The following MCTP2 variants were observed in gnomAD, a reference collection of about 807,000 sequenced individuals.
MCTP2 encodes multiple C2 and transmembrane domain containing 2.
A neutral mutation model predicts 111.6 loss-of-function variants in MCTP2; 132 were observed. The ratio of observed to expected loss-of-function variants is 1.18; its 90% CI spans 1.03 to 1.37. The LOEUF is 1.37. Among genes scored for constraint, MCTP2 ranks in the 40% most tolerant of loss-of-function variants. MCTP2 has a pLI of 0.00. For missense variants in MCTP2, 1,183 were observed against 1,067.9 expected (o/e 1.11, Z -1.50); for synonymous variants, 395 against 387.7 (o/e 1.02, Z -0.22).
intron 1 of MCTP2, among the ~76,000 whole-genome samples, chr15:94,281,963 C>G (rs1056935498): frequency 6.6e-6 from 1 of 152,070 alleles, no homozygotes; most frequent in East Asian, 1.9e-4. Context: ...CTCTAGCTGC[C>G]TTTAAGAATT....
In MCTP2 at chr15:94,298,423, C is replaced by T. The variant is rs1325004969; in HGVS notation, c.158C>T (p.Pro53Leu). Residue 53 changes from proline (P) to leucine (L), a missense_variant, in exon 2 of 23, where the codon CCT becomes CTT. Coordinates refer to ENST00000357742, the MANE Select transcript of MCTP2 (RefSeq NM_001385001.1). ...GACCGCCGTCTCAGCCTCTCTGTGC[C>T]TGATCTCCTGGAGGCTGAGGCCTTG... ...HLDRRLSLSV[P>L]DLLEAEALAP... The T allele has an allele frequency of 1.2e-6, 2 of 1,614,098 alleles. No individual in the cohort carries two copies. Among genetic ancestry groups the T allele is most frequent in the Admixed American group, 3.3e-5 (2 of 60,006 alleles).
chr15:94,300,475 A>C (rs1400485820), intron 2 of MCTP2, among the ~76,000 whole-genome samples: 2 of 146,456 alleles, frequency 1.4e-5, no homozygotes, highest in African/African-American at 5.1e-5. Context: ...GCGCCACTGC[A>C]CTCCAGCCTG....
chr15:94,357,488 T>C (rs1030487375), intron 9 of MCTP2, among the ~76,000 whole-genome samples: 4 of 152,114 alleles, frequency 2.6e-5, no homozygotes, highest in African/African-American at 7.2e-5. Context: ...GTTCAGTATC[T>C]GCTACATTCA....
chr15:94,360,913 T>C (rs1235713043), intron 10 of MCTP2, among the ~76,000 whole-genome samples: 1 of 151,650 alleles, frequency 6.6e-6, no homozygotes, highest in Non-Finnish European at 1.5e-5. Context: ...ATAACAAAAG[T>C]ATCTCTTGGG....
At chr15:94,263,421 A>G (rs115651230) in intron 1 of MCTP2, among the ~76,000 whole-genome samples, 6 of 152,176 alleles carry the variant, frequency 3.9e-5, no homozygotes, top group Non-Finnish European at 7.4e-5. Context: ...TTAATAGATA[A>G]TGGTATTGTG....
At position 94,361,425 on chromosome 15, in the gene MCTP2, C is replaced by G. The variant is rs182874318; in HGVS notation, c.1301+2813C>G. 1.8e-3 allele frequency among the ~76,000 whole-genome samples: 276 copies of G among 152,292 alleles called. 8 individuals carry two copies. Among genetic ancestry groups the G allele is most frequent in the Admixed American group, 0.017 (266 of 15,290 alleles). On this transcript the variant is annotated intron_variant, in intron 10 of 22. Transcript: ENST00000357742. ...CTGAGCTTGCTGATAATCACACTGT[C>G]TGCTAATTGTGGGACTTGGACAGTG...
At position 94,245,498 on chromosome 15, in the gene MCTP2, TTATA is replaced by T. The variant is rs1211967961; in HGVS notation, c.-66+13838_-66+13841del. 3.6e-5 allele frequency among the ~76,000 whole-genome samples: 5 copies of T among 140,812 alleles called. No homozygotes were observed. The East Asian group carries it at 6.1e-4, about 17-fold the overall frequency. The allele number at this position is 140,812 out of a possible 152,430, so 92.4% of individuals were successfully genotyped here. On this transcript the variant is annotated intron_variant, in intron 1 of 22. Transcript: ENST00000357742. ...TGTATATATACATACATGTATGTATTTATATATGTATACATATATGTATATATTT... is the reference window on the plus strand; with the variant it reads ...TGTATATATACATACATGTATGTATTTATGTATACATATATGTATATATTT...
intron 1 of MCTP2, among the ~76,000 whole-genome samples, chr15:94,245,740 A>T (rs1305141295): frequency 6.7e-6 from 1 of 149,428 alleles, no homozygotes; most frequent in African/African-American, 2.5e-5. Flanking sequence ...ATATATCTAT[A>T]TAGACAAAAG....
chr15:94,423,725 T>C (rs916690071), intron 17 of MCTP2, among the ~76,000 whole-genome samples: 5 of 152,174 alleles, frequency 3.3e-5, no homozygotes, highest in African/African-American at 1.2e-4. Flanking sequence ...TAGTGGCTGC[T>C]TGGGAACCCT....
At chr15:94,245,598 A>T (rs1015895970) in intron 1 of MCTP2, among the ~76,000 whole-genome samples, 1 of 145,162 alleles carries the variant, frequency 6.9e-6, no homozygotes, top group Admixed American at 7.0e-5. Flanking sequence ...ATATACGTAT[A>T]TAGACATATA....
chr15:94,244,659 C>T lies in MCTP2; in HGVS notation c.-66+12995C>T, dbSNP rs532420188. Among the ~76,000 whole-genome samples the T allele has an allele frequency of 2.7e-5, 4 of 147,402 alleles. No individual in the cohort carries two copies. The South Asian group carries it at 8.4e-4, about 31-fold the overall frequency. On this transcript the variant is annotated intron_variant, in intron 1 of 22. Coordinates refer to ENST00000357742, the MANE Select transcript of MCTP2 (RefSeq NM_001385001.1). ...CTATGTTTATAAACGTATATGTATA[C>T]ACATACATATCCACCTATGTTTATA...
intron 2 of MCTP2, among the ~76,000 whole-genome samples, chr15:94,303,123 T>C (rs541891173): frequency 3.7e-4 from 21 of 57,392 alleles, no homozygotes; most frequent in African/African-American, 9.8e-4. Flanking sequence ...ATAGTTTATA[T>C]ATATAGTTTA....
chr15:94,298,006 T>A (rs1437098321), intron 1 of MCTP2, among the ~76,000 whole-genome samples, 195 bp from the exon 2 acceptor site: 3 of 152,208 alleles, frequency 2.0e-5, no homozygotes, highest in Admixed American at 2.0e-4. Flanking sequence ...AAAATTCTTT[T>A]AAAAAGTTCT....
rs77580308 is a variant in MCTP2 at position 94,289,549 on chromosome 15, A to G, written c.-65-8652A>G. ...CAAGGAAATGCAAGTGAAAAATACA[A>G]TAGCCTTTCTATTTTAATTGAATAG... is the stretch of plus-strand genomic sequence containing the variant. On this transcript the variant is annotated intron_variant, in intron 1 of 22. Coordinates refer to ENST00000357742, the MANE Select transcript of MCTP2 (RefSeq NM_001385001.1). Among the ~76,000 whole-genome samples the G allele has an allele frequency of 8.8e-3, 1,337 of 152,328 alleles. 23 individuals carry two copies. The highest frequency in any genetic ancestry group is 0.03 in the African/African-American group (1,265 of 41,564).
chr15:94,291,138 A>G (rs943649153), intron 1 of MCTP2, among the ~76,000 whole-genome samples: 1 of 152,224 alleles, frequency 6.6e-6, no homozygotes, highest in Non-Finnish European at 1.5e-5. Context: ...CATAAGTCAA[A>G]CCTTAACAAA....
intron 8 of MCTP2, among the ~76,000 whole-genome samples, chr15:94,348,763 G>T (rs2078138071): frequency 6.6e-6 from 1 of 151,712 alleles, no homozygotes; most frequent in Non-Finnish European, 1.5e-5. Flanking sequence ...TAAAGGAAGT[G>T]TGTTGTACCT....
intron 1 of MCTP2, among the ~76,000 whole-genome samples, chr15:94,265,796 G>A (rs1447020211): frequency 6.6e-6 from 1 of 152,154 alleles, no homozygotes; most frequent in African/African-American, 2.4e-5. Flanking sequence ...TGAAAACTTA[G>A]AAAGTAGAAG....
intron 8 of MCTP2, among the ~76,000 whole-genome samples, chr15:94,347,981 G>A (rs1302584185): frequency 6.6e-6 from 1 of 152,044 alleles, no homozygotes; most frequent in East Asian, 1.9e-4. Context: ...GACTACAATG[G>A]CTATTTAGTT....
intron 1 of MCTP2, among the ~76,000 whole-genome samples, chr15:94,267,571 T>G (rs993144984): frequency 6.6e-6 from 1 of 150,944 alleles, no homozygotes; most frequent in African/African-American, 2.4e-5. Flanking sequence ...TCTCTTAAAC[T>G]CCTGTGAGAT....
Sources: allele counts gnomAD v4.1 joint callset (sites outside exome capture counted in the v4.1 genomes callset), GRCh38; gene constraint gnomAD v4.1.1; transcripts MANE v1.5; gene names NCBI Gene and HGNC (gene_info 2026-07-23, HGNC 2026-07-21).